ZNF831: variants seen among roughly 807,000 people sequenced by gnomAD.
ZNF831 encodes chromosome 20 open reading frame 174.
Under a neutral mutation model 95.8 loss-of-function variants are expected in ZNF831, and 59 were observed. The observed-to-expected ratio is 0.62, with a 90% CI of 0.50 to 0.77. The LOEUF (loss-of-function observed/expected upper bound fraction) is 0.77, where lower values mean the gene tolerates loss of function less well. ZNF831 is among the 30% of genes least tolerant of loss of function. ZNF831 has a pLI of 0.00. For missense variants in ZNF831, 2,205 were observed against 2,164.0 expected (o/e 1.02, Z -0.38); for synonymous variants, 961 against 925.5 (o/e 1.04, Z -0.70).
intron 4 of ZNF831, among the ~76,000 whole-genome samples, chr20:59,225,577 T>A (rs1484488825): frequency 6.6e-6 from 1 of 152,262 alleles, no homozygotes; most frequent in Non-Finnish European, 1.5e-5. Context: ...ATCAGAGTCA[T>A]GATCTGTGGC....
chr20:59,210,850 C>G (rs562731691), intron 4 of ZNF831, among the ~76,000 whole-genome samples: 1 of 136,516 alleles, frequency 7.3e-6, no homozygotes, highest in East Asian at 2.3e-4. Flanking sequence ...TGAATAAAAC[C>G]AAATCCCCCC....
At chr20:59,250,885 A>G (rs1159053024) in intron 4 of ZNF831, among the ~76,000 whole-genome samples, 1 of 152,192 alleles carries the variant, frequency 6.6e-6, no homozygotes, top group African/African-American at 2.4e-5. Context: ...AGAAGATTAT[A>G]CTAGGAGATC....
upstream of ZNF831, among the ~76,000 whole-genome samples, chr20:59,163,533 A>C (rs2146476787): frequency 6.6e-6 from 1 of 152,198 alleles, no homozygotes; most frequent in East Asian, 1.9e-4. Flanking sequence ...TTCTGCAAAC[A>C]CTTGTTCCAT....
In ZNF831 at chr20:59,254,492, C is replaced by G. The variant is rs774904848; in HGVS notation, c.4783C>G (p.Gln1595Glu). 6.2e-7 allele frequency: 1 copy of G among 1,614,110 alleles called. No individual in the cohort carries two copies. Among genetic ancestry groups the G allele is most frequent in the South Asian group, 1.1e-5 (1 of 91,078 alleles). ...RHKTFFPSRGQYGCGEMTVPC... is the reference protein window; with the variant it reads ...RHKTFFPSRGEYGCGEMTVPC... Reference sequence around the variant, plus strand: ...CAAGACGTTTTTTCCTTCCAGAGGCCAGTATGGGTGTGGGGAAATGACTGT... The same window carrying G: ...CAAGACGTTTTTTCCTTCCAGAGGCGAGTATGGGTGTGGGGAAATGACTGT... The change falls in exon 6 of 6, where the codon CAG becomes GAG. Residue 1595 changes from glutamine to glutamate, a missense_variant. Gln to Glu is a conservative substitution (Grantham distance 29). Coordinates refer to ENST00000371030, the MANE Select transcript of ZNF831 (RefSeq NM_178457.3). This position sits in a 1 kb window ranked among gnomAD's most constrained non-coding sequence, Gnocchi z 4.5.
chr20:59,222,233 G>C (rs1053267104), intron 4 of ZNF831, among the ~76,000 whole-genome samples: 1 of 152,200 alleles, frequency 6.6e-6, no homozygotes, highest in Admixed American at 6.5e-5. Context: ...GCTGGGCTGA[G>C]CTGGGCTGGG....
At chr20:59,243,939 A>AT (rs11479355) in intron 4 of ZNF831, among the ~76,000 whole-genome samples, 1,652 of 151,546 alleles carry the variant, frequency 0.011, 23 homozygotes, top group Non-Finnish European at 0.017. Context: ...AATATTAACA[A>AT]TTTTTTTTTC....
At chr20:59,195,738 G>GT in intron 2 of ZNF831, 131 bp from the exon 3 acceptor site, 1 of 1,484,964 alleles carries the variant, frequency 6.7e-7, no homozygotes, top group African/African-American at 1.4e-5. Context: ...GGCTCAGCCC[G>GT]TTTAGCAATG....
At chr20:59,190,938 GGA>G (rs2146540870) in intron 1 of ZNF831, 44 bp from the exon 2 acceptor site, 1 of 1,444,400 alleles carries the variant, frequency 6.9e-7, no homozygotes, top group South Asian at 1.6e-5. Context: ...TACTGCATGA[GGA>G]GAGAGGAGAG....
rs770930865 is a variant in ZNF831, at chr20:59,254,047, G to A, written c.4338G>A (p.Leu1446=). The A allele has an allele frequency of 6.2e-7, 1 of 1,614,034 alleles. No homozygotes were observed. Among genetic ancestry groups the A allele is most frequent in the Non-Finnish European group, 8.5e-7 (1 of 1,180,004 alleles). Residue 1446 remains leucine (L), a synonymous_variant, in exon 6 of 6, where the codon CTG becomes CTA. Coordinates refer to ENST00000371030, the MANE Select transcript of ZNF831 (RefSeq NM_178457.3). This position sits in a 1 kb window ranked among gnomAD's most constrained non-coding sequence, Gnocchi z 4.5. ...PPGKGLDLGL[L]ETQLLASQDS... is the part of the protein sequence containing the mutation. ...GCAAAGGTCTTGACCTTGGGTTGCTGGAGACTCAGCTGCTGGCCTCCCAGG... is the reference window on the plus strand; with the variant it reads ...GCAAAGGTCTTGACCTTGGGTTGCTAGAGACTCAGCTGCTGGCCTCCCAGG...
chr20:59,136,394 G>A (rs761674879), intron 1 of ZNF831, among the ~76,000 whole-genome samples: 6 of 152,098 alleles, frequency 3.9e-5, no homozygotes, highest in South Asian at 2.1e-4. Context: ...CTTTTGCAGC[G>A]GTACCTAGAT....
chr20:59,180,491 G>A (rs1045413175), intron 1 of ZNF831, among the ~76,000 whole-genome samples: 21 of 152,264 alleles, frequency 1.4e-4, no homozygotes, highest in Non-Finnish European at 3.1e-4. Flanking sequence ...GCATGCGTTA[G>A]ATATTTGTCC....
chr20:59,174,743 A>G (rs545577133), intron 1 of ZNF831, among the ~76,000 whole-genome samples: 30 of 152,226 alleles, frequency 2.0e-4, no homozygotes, highest in African/African-American at 5.1e-4. Flanking sequence ...CAAAAAAAAC[A>G]AAAAACAAAA....
chr20:59,179,523 G>A (rs1312675252), intron 1 of ZNF831, among the ~76,000 whole-genome samples: 1 of 151,944 alleles, frequency 6.6e-6, no homozygotes, highest in Non-Finnish European at 1.5e-5. Context: ...AGAGGGAGGG[G>A]CCACCCTCCC....
At chr20:59,240,780 C>T (rs1188152101) in intron 4 of ZNF831, among the ~76,000 whole-genome samples, 2 of 151,848 alleles carry the variant, frequency 1.3e-5, no homozygotes, top group Non-Finnish European at 2.9e-5. Context: ...CCAGCCTGGG[C>T]GACAGAGCGA....
At chr20:59,249,124 T>C (rs1987759239) in intron 4 of ZNF831, among the ~76,000 whole-genome samples, 1 of 152,242 alleles carries the variant, frequency 6.6e-6, no homozygotes, top group African/African-American at 2.4e-5. Context: ...CCTTCTTTTG[T>C]CTAGAATATC....
At chr20:59,226,561 A>G (rs761701229) in intron 4 of ZNF831, among the ~76,000 whole-genome samples, 2 of 151,470 alleles carry the variant, frequency 1.3e-5, no homozygotes, top group African/African-American at 4.9e-5. Flanking sequence ...GCTATCACCT[A>G]TTTTCTCAAC....
intron 4 of ZNF831, among the ~76,000 whole-genome samples, chr20:59,211,030 A>G (rs1305775265): frequency 1.4e-5 from 2 of 146,028 alleles, no homozygotes; most frequent in Non-Finnish European, 3.0e-5. Context: ...ACAGAGCGAG[A>G]CTCCGTCTCA....
At chr20:59,228,445 C>G (rs1986548652) in intron 4 of ZNF831, among the ~76,000 whole-genome samples, 1 of 151,880 alleles carries the variant, frequency 6.6e-6, no homozygotes, top group African/African-American at 2.4e-5. Flanking sequence ...TGCTGCCAAC[C>G]AACTTCCATG....
rs1026880990 is a variant in ZNF831 at position 59,169,912 on chromosome 20, T to G, written c.-37+5705T>G. 6.6e-6 allele frequency among the ~76,000 whole-genome samples: 1 copy of G among 151,242 alleles called. No individual in the cohort carries two copies. Among genetic ancestry groups the G allele is most frequent in the Admixed American group, 6.6e-5 (1 of 15,208 alleles). ...AAGACTCTGTCTCAAAAAAAAAAGG[T>G]GAATTTTATTAATCTTGTCCAAGAA... On this transcript the variant is annotated intron_variant, in intron 1 of 5. Transcript: ENST00000371030. The surrounding 1 kb of genome is among the most constrained non-coding windows in gnomAD (Gnocchi z 4.1).
Sources: allele counts gnomAD v4.1 joint callset (sites outside exome capture counted in the v4.1 genomes callset), GRCh38; gene constraint gnomAD v4.1.1; non-coding constraint Gnocchi (gnomAD v3.1); transcripts MANE v1.5; gene names NCBI Gene and HGNC (gene_info 2026-07-23, HGNC 2026-07-21).